Variants in LNX1 observed in about 807,000 individuals in gnomAD.
LNX1 encodes E3 ubiquitin-protein ligase LNX.
Under a neutral mutation model 68.4 loss-of-function variants are expected in LNX1, and 54 were observed. That is an observed-to-expected ratio of 0.79 (90% CI 0.63 to 0.99). The LOEUF (loss-of-function observed/expected upper bound fraction) is 0.99. LNX1 is among the 50% of genes least tolerant of loss of function. LNX1 has a pLI of 0.00. For synonymous variants in LNX1, 336 were observed against 350.0 expected, an observed-to-expected ratio of 0.96 and a Z score of 0.45; for missense variants, 906 against 926.4, an observed-to-expected ratio of 0.98 and a Z score of 0.29.
upstream of LNX1, among the ~76,000 whole-genome samples, chr4:53,621,159 A>C (rs1245602237): frequency 2.0e-5 from 3 of 152,146 alleles, no homozygotes; most frequent in Admixed American, 2.0e-4. Context: ...GACCTATGGC[A>C]TCCACATTTC....
chr4:53,582,096 A>AAGTAGGGAAGAGT (rs6148437), intron 1 of LNX1, among the ~76,000 whole-genome samples: 1 of 151,668 alleles, frequency 6.6e-6, no homozygotes, highest in African/African-American at 2.4e-5. Context: ...TTAGAAACCT[A>AAGTAGGGAAGAGT]AGAATATCAA....
chr4:53,532,406 C>T (rs1193675273), intron 2 of LNX1, among the ~76,000 whole-genome samples: 1 of 151,774 alleles, frequency 6.6e-6, no homozygotes, highest in Non-Finnish European at 1.5e-5. Flanking sequence ...ATCTGGGAGG[C>T]AGAGGTTGTA....
Position 53,481,836 on chromosome 4 carries a change from G to A in LNX1, c.1369C>T (p.His457Tyr). ...CGAACCTGGCGGGACACGACGAGGT[G>A]AACACGTCTTTCACTGGCCTGGGCA... ...HLIQASERRV[H>Y]LVVSRQVRQR... Residue 457 changes from histidine (H) to tyrosine (Y), a missense_variant, in exon 7 of 11, where the codon CAC (histidine) becomes TAC (tyrosine). His to Tyr is a moderately conservative substitution (Grantham distance 83). Coordinates refer to ENST00000263925, the MANE Select transcript of LNX1 (RefSeq NM_001126328.3). 1 of 1,607,534 alleles carries A rather than the reference G, an allele frequency of 6.2e-7. No individual in the cohort carries two copies. Among genetic ancestry groups the A allele is most frequent in the Non-Finnish European group, 8.5e-7 (1 of 1,176,032 alleles).
intron 2 of LNX1, among the ~76,000 whole-genome samples, chr4:53,598,318 G>A (rs1732847857): frequency 6.7e-6 from 1 of 149,732 alleles, no homozygotes; most frequent in Admixed American, 6.7e-5. Flanking sequence ...CTGTAGCCTT[G>A]ACCTCCTTAT....
intron 2 of LNX1, among the ~76,000 whole-genome samples, chr4:53,519,840 G>A (rs1461534915): frequency 6.6e-6 from 1 of 152,212 alleles, no homozygotes; most frequent in African/African-American, 2.4e-5. Flanking sequence ...GCGCAGGTTT[G>A]CGCAGTTTGC....
intron 9 of LNX1, among the ~76,000 whole-genome samples, chr4:53,469,614 A>G (rs2150567437): frequency 6.6e-6 from 1 of 152,354 alleles, no homozygotes; most frequent in Middle Eastern, 3.4e-3. Context: ...AAAGAAGAAA[A>G]GAGAGAAGAA....
chr4:53,551,080 G>C (rs775875823), intron 2 of LNX1, among the ~76,000 whole-genome samples: 24 of 152,114 alleles, frequency 1.6e-4, no homozygotes, highest in Non-Finnish European at 3.4e-4. Context: ...CCTAGGAGGC[G>C]GTTGGTGGTT....
intron 1 of LNX1, among the ~76,000 whole-genome samples, chr4:53,583,562 A>AC (rs201366924): frequency 6.6e-6 from 1 of 151,272 alleles, no homozygotes; most frequent in Non-Finnish European, 1.5e-5. Flanking sequence ...GAAAAAAAAA[A>AC]CCCTTTTAAA....
chr4:53,626,663 A>G (rs2109866657), intron 1 of LNX1, among the ~76,000 whole-genome samples: 1 of 152,306 alleles, frequency 6.6e-6, no homozygotes, highest in Admixed American at 6.5e-5. Flanking sequence ...TTCTCATTCA[A>G]AAGTTATTTC....
intron 10 of LNX1, 100 bp downstream of exon 10, chr4:53,461,335 A>C: frequency 1.0e-6 from 1 of 968,536 alleles, no homozygotes; most frequent in African/African-American, 1.6e-5. Context: ...TAATCCCCAC[A>C]AAGTATAATA....
At chr4:53,589,940 T>C (rs1732404968) in intron 1 of LNX1, among the ~76,000 whole-genome samples, 1 of 152,224 alleles carries the variant, frequency 6.6e-6, no homozygotes, top group African/African-American at 2.4e-5. Context: ...ATAAATTAAC[T>C]ACTGTGAAAA....
intron 9 of LNX1, among the ~76,000 whole-genome samples, chr4:53,466,224 C>G (rs1722671305): frequency 6.6e-6 from 1 of 152,122 alleles, no homozygotes; most frequent in South Asian, 2.1e-4. Context: ...TATGTCTTGT[C>G]TTGATAAAAA....
chr4:53,565,480 C>T (rs1403226294), intron 2 of LNX1, among the ~76,000 whole-genome samples: 67 of 150,174 alleles, frequency 4.5e-4, no homozygotes, highest in African/African-American at 1.6e-3. Flanking sequence ...AGGACATCCA[C>T]ACCAAAAACC....
intron 2 of LNX1, among the ~76,000 whole-genome samples, chr4:53,569,245 C>T (rs62323653): frequency 0.23 from 34,650 of 150,476 alleles, 4,666 homozygotes; most frequent in Non-Finnish European, 0.31. Context: ...AGGCATCACA[C>T]TACCTGACTT....
chr4:53,598,001 C>T lies in LNX1; in HGVS notation c.-214-6486G>A, dbSNP rs778891452. Among the ~76,000 whole-genome samples the T allele has an allele frequency of 2.0e-5, 3 of 152,134 alleles. No individual in the cohort carries two copies. The South Asian group carries it at 6.2e-4, about 32-fold the overall frequency. ...CTGGCAAAAAAATCCCATGAACTAA[C>T]TACAAACAGGTGAAGAGACTGAGTC... On this transcript the variant is annotated intron_variant, in intron 2 of 3. Coordinates refer to the LNX1 transcript ENST00000504299.
chr4:53,488,669 T>C (rs1724483673), intron 6 of LNX1, among the ~76,000 whole-genome samples: 2 of 152,140 alleles, frequency 1.3e-5, no homozygotes, highest in South Asian at 4.2e-4. Flanking sequence ...GATTCCTGTC[T>C]TTACCTATGG....
chr4:53,528,507 C>T (rs1727788172), intron 2 of LNX1, among the ~76,000 whole-genome samples: 2 of 152,318 alleles, frequency 1.3e-5, no homozygotes, highest in South Asian at 4.2e-4. Context: ...ACAATTATTA[C>T]AATATATTGC....
chr4:53,531,547 T>C (rs1407140781), intron 2 of LNX1, among the ~76,000 whole-genome samples: 3 of 152,206 alleles, frequency 2.0e-5, no homozygotes, highest in Non-Finnish European at 4.4e-5. Context: ...TCAAAATGTT[T>C]TTGGTATAAA....
At chr4:53,507,960 C>T in intron 3 of LNX1, 26 bp downstream of exon 3, 1 of 1,601,762 alleles carries the variant, frequency 6.2e-7, no homozygotes, top group Non-Finnish European at 8.5e-7. Flanking sequence ...GGAGCCCATT[C>T]CCGGACAACC....
Sources: gnomAD v4.1 joint callset for allele counts (sites outside exome capture counted in the v4.1 genomes callset) on GRCh38, gnomAD v4.1.1 for gene constraint, MANE v1.5 for transcripts, NCBI Gene and HGNC (gene_info 2026-07-23, HGNC 2026-07-21) for gene names.